The following AMMECR1 variants were observed in gnomAD, a reference collection of about 807,000 sequenced individuals.
AMMECR1 encodes the protein AMMECR nuclear protein 1.
AMMECR1 carries 3 observed loss-of-function variants against 22.5 expected under a neutral mutation model. The ratio of observed to expected loss-of-function variants is 0.13; its 90% confidence interval spans 0.06 to 0.35. The LOEUF (loss-of-function observed/expected upper bound fraction) is 0.35, where lower values mean the gene tolerates loss of function less well. Among genes scored for constraint, AMMECR1 ranks in the 10% least tolerant of loss-of-function variants. The pLI is 1.00. For synonymous variants in AMMECR1, 130 were observed against 116.7 expected, an observed-to-expected ratio of 1.11 and a Z score of -0.74; for missense variants, 235 against 278.7, an observed-to-expected ratio of 0.84 and a Z score of 1.12.
chrX:110,317,202 C>T lies in AMMECR1; in HGVS notation c.473+397G>A, dbSNP rs966264103. Among the ~76,000 whole-genome samples, 24 of 110,605 alleles carry T rather than the reference C, an allele frequency of 2.2e-4. 1 individual carries two copies. Among genetic ancestry groups the T allele is most frequent in the Non-Finnish European group, 5.7e-5 (3 of 52,865 alleles). ...AAGATACGCGGGGCGGGAATACTGG[C>T]GGGGCTTTCACTTGGGGTAATGGAA... On this transcript the variant is annotated intron_variant, in intron 1 of 5. Transcript: ENST00000262844.
At chrX:110,301,805 T>C (rs961689337) in intron 1 of AMMECR1, among the ~76,000 whole-genome samples, 9 of 112,133 alleles carry the variant, frequency 8.0e-5, no homozygotes, top group Non-Finnish European at 1.5e-4. Flanking sequence ...AATTTCATTA[T>C]GTCTGCCAAC....
At chrX:110,400,384 C>T (rs1377343622) in intron 2 of AMMECR1, among the ~76,000 whole-genome samples, 1 of 108,896 alleles carries the variant, frequency 9.2e-6, no homozygotes, top group African/African-American at 3.4e-5. Flanking sequence ...ATATGGCTTT[C>T]CGTATTGTTC....
intron 2 of AMMECR1, among the ~76,000 whole-genome samples, chrX:110,368,184 C>T (rs1673579798): frequency 9.1e-6 from 1 of 109,830 alleles, no homozygotes; most frequent in Admixed American, 9.8e-5. Flanking sequence ...CTGCTATAAC[C>T]TTAATCCAAG....
At chrX:110,347,324 T>A (rs898965148) in intron 2 of AMMECR1, among the ~76,000 whole-genome samples, 3 of 112,726 alleles carry the variant, frequency 2.7e-5, no homozygotes, top group African/African-American at 6.4e-5. Flanking sequence ...GCATATATAT[T>A]TTTAATTAAA....
In AMMECR1 at chrX:110,210,247, G is replaced by T. The variant is rs1323930068; in HGVS notation, c.699+6271C>A. Among the ~76,000 whole-genome samples, 4 of 106,202 alleles carry T rather than the reference G, an allele frequency of 3.8e-5. No individual in the cohort carries two copies. In the Admixed American group the frequency reaches 4.1e-4, roughly 11 times the overall value. 92.2% of individuals were successfully genotyped at this position (106,202 alleles called of 115,157 possible). A position where few individuals can be genotyped will look rare whatever the true frequency, so the allele number is the denominator to read the frequency against. ...AGCCTTCCTTTCCCAACACTCCACG[G>T]CACTTAAAAAAAAAAAAAACATTTA... On this transcript the variant is annotated intron_variant, in intron 3 of 5. Coordinates refer to ENST00000262844, the MANE Select transcript of AMMECR1 (RefSeq NM_015365.3).
intron 1 of AMMECR1, among the ~76,000 whole-genome samples, chrX:110,429,668 G>T (rs5942631): frequency 0.16 from 17,780 of 108,954 alleles, 3,489 homozygotes; most frequent in African/African-American, 0.55. Flanking sequence ...TTTTAGTAGA[G>T]ATGGGGTTTC....
intron 1 of AMMECR1, among the ~76,000 whole-genome samples, chrX:110,432,026 T>C (rs1179440276): frequency 8.9e-6 from 1 of 112,081 alleles, no homozygotes; most frequent in African/African-American, 3.2e-5. Flanking sequence ...GGAGGGTTTA[T>C]GTGTTTATTC....
chrX:110,237,741 T>TA (rs1385779009), intron 2 of AMMECR1, among the ~76,000 whole-genome samples: 1 of 111,949 alleles, frequency 8.9e-6, no homozygotes, highest in Non-Finnish European at 1.9e-5. Flanking sequence ...AACCACTTCT[T>TA]AAACTTTGGT....
intron 2 of AMMECR1, among the ~76,000 whole-genome samples, chrX:110,361,041 C>T (rs1256528331): frequency 9.0e-6 from 1 of 110,745 alleles, no homozygotes; most frequent in African/African-American, 3.3e-5. Context: ...CAATTGCCTG[C>T]TGGACATATC....
In AMMECR1 at chrX:110,294,038, C is replaced by A. The variant is rs775633571; in HGVS notation, c.473+23561G>T. ...AGTTACTTGTGTCTAGGTCAATCAT[C>A]TCTGAAGACAGTTCATTTAATTAAA... On this transcript the variant is annotated intron_variant, in intron 1 of 5. Transcript: ENST00000262844. Among the ~76,000 whole-genome samples, 28 of 111,868 alleles carry A rather than the reference C, an allele frequency of 2.5e-4. 1 individual carries two copies. The South Asian group carries it at 0.01, about 40-fold the overall frequency.
At chrX:110,357,798 A>G (rs777192642) in intron 2 of AMMECR1, among the ~76,000 whole-genome samples, 7 of 111,669 alleles carry the variant, frequency 6.3e-5, no homozygotes, top group Non-Finnish European at 1.1e-4. Context: ...ACATACCCAC[A>G]TTGTGTGGGA....
intron 2 of AMMECR1, among the ~76,000 whole-genome samples, chrX:110,420,644 G>A (rs766167184): frequency 1.8e-5 from 2 of 112,209 alleles, no homozygotes; most frequent in Non-Finnish European, 3.8e-5. Context: ...TGCAGAATGA[G>A]GCAGGGTGTG....
At chrX:110,375,924 G>A (rs923342187) in intron 2 of AMMECR1, among the ~76,000 whole-genome samples, 1 of 111,469 alleles carries the variant, frequency 9.0e-6, no homozygotes, top group Non-Finnish European at 1.9e-5. Context: ...TAATATTGAT[G>A]TCAGTTATAG....
intron 2 of AMMECR1, among the ~76,000 whole-genome samples, chrX:110,223,603 TTCTCTTAA>T (rs1371859135): frequency 2.7e-5 from 3 of 111,732 alleles, no homozygotes; most frequent in Admixed American, 9.5e-5. Context: ...CATCCGTGTG[TTCTCTTAA>T]GTTAGGATAT....
chrX:110,334,300 G>A (rs921816817), intron 2 of AMMECR1, among the ~76,000 whole-genome samples: 6 of 111,976 alleles, frequency 5.4e-5, no homozygotes, highest in Non-Finnish European at 9.4e-5. Flanking sequence ...CTAATTTGGT[G>A]TTGTTGGTTA....
intron 1 of AMMECR1, among the ~76,000 whole-genome samples, chrX:110,282,987 C>CTGG (rs1186571587): frequency 3.6e-5 from 4 of 111,649 alleles, no homozygotes; most frequent in Non-Finnish European, 7.5e-5. Flanking sequence ...TTTATCATCT[C>CTGG]CAGCTATGAG....
chrX:110,200,938 A>T lies in AMMECR1; in HGVS notation c.887+16T>A, dbSNP rs1324505526. On this transcript the variant is annotated intron_variant, in intron 5 of 5. Coordinates refer to ENST00000262844, the MANE Select transcript of AMMECR1 (RefSeq NM_015365.3). Reference sequence around the variant, plus strand: ...AATGTACAGGTTAGCCTTGTGCTAGAAAATGTCTTCTGTACCTGGTCAGTT... The same window carrying T: ...AATGTACAGGTTAGCCTTGTGCTAGTAAATGTCTTCTGTACCTGGTCAGTT... 1.7e-6 allele frequency: 2 copies of T among 1,163,388 alleles called. No homozygotes were observed. Among genetic ancestry groups the T allele is most frequent in the African/African-American group, 3.5e-5 (2 of 56,359 alleles).
intron 1 of AMMECR1, among the ~76,000 whole-genome samples, chrX:110,276,951 C>CAG (rs2067829138): frequency 9.0e-6 from 1 of 111,015 alleles, no homozygotes; most frequent in South Asian, 3.9e-4. Flanking sequence ...ATGCTGTGGT[C>CAG]TAGAAACTGC....
chrX:110,315,432 C>T (rs1242829835), intron 1 of AMMECR1, among the ~76,000 whole-genome samples: 2 of 112,140 alleles, frequency 1.8e-5, no homozygotes, highest in South Asian at 3.7e-4. Flanking sequence ...CTTCCACCAC[C>T]GTTTCAACAT....
Sources: gnomAD v4.1 joint callset for allele counts (sites outside exome capture counted in the v4.1 genomes callset) on GRCh38, gnomAD v4.1.1 for gene constraint, MANE v1.5 for transcripts, NCBI Gene and HGNC (gene_info 2026-07-23, HGNC 2026-07-21) for gene names.